The following DCBLD2 variants were observed in gnomAD, a reference collection of about 807,000 sequenced individuals.
DCBLD2 encodes the protein discoidin, CUB and LCCL domain containing 2, also known as discoidin, CUB and LCCL domain-containing protein 2.
In DCBLD2, 54 loss-of-function variants were observed where a neutral mutation model predicts 86.8. The observed-to-expected ratio is 0.62, with a 90% CI of 0.50 to 0.78. The LOEUF is 0.78. Ranked by LOEUF, DCBLD2 falls within the 30% of genes least tolerant of loss-of-function variation. The pLI, the probability that DCBLD2 is intolerant of heterozygous loss-of-function variation, is 0.00. For missense variants in DCBLD2, 908 were observed against 954.2 expected (o/e 0.95, Z 0.64); for synonymous variants, 354 against 341.3 (o/e 1.04, Z -0.41).
rs1368021708 is a variant in DCBLD2 at position 98,901,280 on chromosome 3, G to A, written c.47C>T (p.Pro16Leu). ...GGCGGCGGCCGCGGCCCGGACTTGG[G>A]GACACTGCGGGCAGCGCCTGGCTCT... is the stretch of plus-strand genomic sequence containing the variant. ...VVRARRCPQC[P>L]QVRAAAAAPA... is the part of the protein sequence containing the mutation. Residue 16 changes from proline (P) to leucine (L), a missense_variant, in exon 1 of 16, where the codon CCC becomes CTC. By Grantham distance (98) the Pro-to-Leu change is moderately conservative. Coordinates refer to ENST00000326840, the MANE Select transcript of DCBLD2 (RefSeq NM_080927.4). 7 of 1,527,982 alleles carry A rather than the reference G, an allele frequency of 4.6e-6. No individual in the cohort carries two copies. The highest frequency in any genetic ancestry group is 5.2e-6 in the Non-Finnish European group (6 of 1,143,542). The allele number at this position is 1,527,982 out of a possible 1,614,324, so 94.7% of individuals were successfully genotyped here. A position where few individuals can be genotyped will look rare whatever the true frequency, so the allele number is the denominator to read the frequency against.
At chr3:98,867,183 A>G (rs1943163955) in intron 2 of DCBLD2, among the ~76,000 whole-genome samples, 1 of 152,200 alleles carries the variant, frequency 6.6e-6, no homozygotes. Context: ...TTGACTTGGC[A>G]ATGCCAGCTC....
chr3:98,801,488 C>G lies in DCBLD2; in HGVS notation c.1720+112G>C, dbSNP rs1012266341. On this transcript the variant is annotated intron_variant, in intron 14 of 15. Coordinates refer to ENST00000326840, the MANE Select transcript of DCBLD2 (RefSeq NM_080927.4). ...CTGAAGAGTAATGCCATTGTTCTAA[C>G]AGTGTCGGGGAGTTCACCTGGGCCA... 1.1e-5 allele frequency: 8 copies of G among 711,532 alleles called. No individual in the cohort carries two copies. The African/African-American group carries it at 1.3e-4, about 11-fold the overall frequency. The allele number at this position is 711,532 out of a possible 1,614,324, so 44.1% of individuals were successfully genotyped here. A position where few individuals can be genotyped will look rare whatever the true frequency, so the allele number is the denominator to read the frequency against.
At chr3:98,863,577 A>G (rs1943085899) in intron 2 of DCBLD2, among the ~76,000 whole-genome samples, 1 of 152,224 alleles carries the variant, frequency 6.6e-6, no homozygotes, top group Admixed American at 6.5e-5. Context: ...CAACCATCTG[A>G]TCTTTGACAA....
chr3:98,852,435 C>G (rs979490346), intron 2 of DCBLD2, among the ~76,000 whole-genome samples: 2 of 152,010 alleles, frequency 1.3e-5, no homozygotes, highest in Non-Finnish European at 2.9e-5. Flanking sequence ...TTATTAGAGA[C>G]AGGGTTTCAC....
chr3:98,836,728 A>ACC lies in DCBLD2; in HGVS notation c.572-11364_572-11363dup, dbSNP rs1470592441. Reference sequence around the variant, plus strand: ...GGCGGCTGGCCGGGCGGGGGGGCTGACCCCCCCATCTCCCTCCCGGACGGG... The same window carrying ACC: ...GGCGGCTGGCCGGGCGGGGGGGCTGACCCCCCCCCATCTCCCTCCCGGACGGG... On this transcript the variant is annotated intron_variant, in intron 3 of 15. Coordinates refer to ENST00000326840, the MANE Select transcript of DCBLD2 (RefSeq NM_080927.4). Among the ~76,000 whole-genome samples the ACC allele has an allele frequency of 6.2e-3, 154 of 25,018 alleles. 16 individuals are homozygous for ACC. Among genetic ancestry groups the ACC allele is most frequent in the African/African-American group, 0.011 (138 of 12,428 alleles). 16.4% of individuals were successfully genotyped at this position (25,018 alleles called of 152,430 possible).
At chr3:98,900,946 G>C in intron 1 of DCBLD2, 176 bp downstream of exon 1, 1 of 1,137,122 alleles carries the variant, frequency 8.8e-7, no homozygotes, top group South Asian at 1.6e-5. Flanking sequence ...CAACTTGGGG[G>C]ACAGACGGGC....
At chr3:98,853,670 A>T (rs1019988743) in intron 2 of DCBLD2, among the ~76,000 whole-genome samples, 2 of 152,254 alleles carry the variant, frequency 1.3e-5, no homozygotes, top group Admixed American at 1.3e-4. Context: ...AGAAGGTGTT[A>T]AATGGAAACA....
At chr3:98,835,927 TTC>T (rs1942433720) in intron 3 of DCBLD2, among the ~76,000 whole-genome samples, 1 of 20,942 alleles carries the variant, frequency 4.8e-5, no homozygotes, top group East Asian at 3.0e-3. Context: ...TCTTTCTTCC[TTC>T]CTTTCTTTCT....
At chr3:98,878,342 G>A (rs1366286343) in intron 2 of DCBLD2, among the ~76,000 whole-genome samples, 2 of 152,092 alleles carry the variant, frequency 1.3e-5, no homozygotes, top group Non-Finnish European at 2.9e-5. Context: ...GTCTGTCACT[G>A]GAATCTAATA....
At chr3:98,804,009 T>G (rs1337707629) in intron 13 of DCBLD2, among the ~76,000 whole-genome samples, 2 of 152,182 alleles carry the variant, frequency 1.3e-5, no homozygotes, top group African/African-American at 4.8e-5. Flanking sequence ...AAATTCTCTT[T>G]TTTTTGTTGT....
At chr3:98,871,427 T>C (rs868650885) in intron 2 of DCBLD2, among the ~76,000 whole-genome samples, 15 of 152,308 alleles carry the variant, frequency 9.8e-5, no homozygotes, top group Non-Finnish European at 1.5e-4. Context: ...TTGTCATATA[T>C]GGCTTTTATT....
intron 3 of DCBLD2, among the ~76,000 whole-genome samples, chr3:98,845,796 T>C (rs1298656034): frequency 6.6e-6 from 1 of 152,230 alleles, no homozygotes; most frequent in Non-Finnish European, 1.5e-5. Context: ...AGCTCTTCTC[T>C]ACCATCAGGT....
At position 98,828,001 on chromosome 3, in the gene DCBLD2, A is replaced by G. The variant is rs953290879; in HGVS notation, c.572-2635T>C. On this transcript the variant is annotated intron_variant, in intron 3 of 15. Coordinates refer to ENST00000326840, the MANE Select transcript of DCBLD2 (RefSeq NM_080927.4). ...GGAAGAATTATCTTTTAGACAAATG[A>G]TGCTGAGACAACTGGATATCCACCA... is the stretch of plus-strand genomic sequence containing the variant. Among the ~76,000 whole-genome samples, 6 of 152,240 alleles carry G rather than the reference A, an allele frequency of 3.9e-5. 1 individual carries two copies. The highest frequency in any genetic ancestry group is 3.9e-4 in the Admixed American group (6 of 15,278).
At chr3:98,840,465 C>T (rs1942599495) in intron 3 of DCBLD2, among the ~76,000 whole-genome samples, 1 of 152,134 alleles carries the variant, frequency 6.6e-6, no homozygotes, top group Admixed American at 6.5e-5. Flanking sequence ...TCCTATAATA[C>T]TAGAAAAATC....
In DCBLD2 at chr3:98,822,277, C is replaced by G; in HGVS notation, c.781G>C (p.Gly261Arg). Residue 261 changes from glycine to arginine, a missense_variant, in exon 6 of 16, where the codon GGT becomes CGT. Coordinates refer to ENST00000326840, the MANE Select transcript of DCBLD2 (RefSeq NM_080927.4). The part of the protein sequence containing the change: ...GGQISVVISK[G>R]IPYYESSLAN... Reference sequence around the variant, plus strand: ...AAAGAACTTTCATAATAGGGGATACCTTTACTAATTACAACACTGATTTGG... The same window carrying G: ...AAAGAACTTTCATAATAGGGGATACGTTTACTAATTACAACACTGATTTGG... The G allele has an allele frequency of 6.2e-7, 1 of 1,613,866 alleles. No individual in the cohort carries two copies.
In DCBLD2 at chr3:98,801,605, C is replaced by A. The variant is rs115330244; in HGVS notation, c.1715G>T (p.Arg572Leu). 6.2e-7 allele frequency: 1 copy of A among 1,609,600 alleles called. No homozygotes were observed. Among genetic ancestry groups the A allele is most frequent in the Non-Finnish European group, 8.5e-7 (1 of 1,177,656 alleles). ...GCAAAGACCACGTGAGTTACCTGCC[C>A]GGTCCCAGTAAGGTAAGTCATAGGT... ...EGTYDLPYWD[R>L]AGWWKGMKQF... is the part of the protein sequence containing the mutation. Residue 572 changes from arginine to leucine, a missense_variant, in exon 14 of 16, where the codon CGG becomes CTG. By Grantham distance (102) the Arg-to-Leu change is moderately radical. This residue lies in a region of DCBLD2 where 606 missense variants were observed against 678.5 expected (regional missense o/e 0.89). Coordinates refer to ENST00000326840, the MANE Select transcript of DCBLD2 (RefSeq NM_080927.4).
chr3:98,803,824 T>A (rs184868568), intron 13 of DCBLD2, among the ~76,000 whole-genome samples: 3 of 152,320 alleles, frequency 2.0e-5, no homozygotes, highest in Non-Finnish European at 2.9e-5. Context: ...TGTCTTTGGT[T>A]CTGTTTATAT....
At chr3:98,900,017 TA>T (rs1943820083) in intron 1 of DCBLD2, among the ~76,000 whole-genome samples, 1 of 152,208 alleles carries the variant, frequency 6.6e-6, no homozygotes, top group Admixed American at 6.5e-5. Flanking sequence ...GCTAAGCATC[TA>T]AATTTTGAGT....
rs828616 is a variant in DCBLD2 at position 98,822,272 on chromosome 3, G to A, written c.786C>T (p.Ile262=). ...TAGCCAAAGAACTTTCATAATAGGG[G>A]ATACCTTTACTAATTACAACACTGA... is the stretch of plus-strand genomic sequence containing the variant. The part of the protein sequence containing the change: ...GQISVVISKG[I]PYYESSLANN... The change falls in exon 6 of 16, where the codon ATC becomes ATT. Residue 262 remains isoleucine, a synonymous_variant. Transcript: ENST00000326840. The A allele has an allele frequency of 0.35, 568,515 of 1,612,904 alleles. 106,864 individuals are homozygous for A. The highest frequency in any genetic ancestry group is 0.69 in the East Asian group (31,085 of 44,852).
Sources: gnomAD v4.1 joint callset for allele counts (sites outside exome capture counted in the v4.1 genomes callset) on GRCh38, gnomAD v4.1.1 for gene constraint, gnomAD v4.1.1 regional missense constraint, MANE v1.5 for transcripts, NCBI Gene and HGNC (gene_info 2026-07-23, HGNC 2026-07-21) for gene names.